TARDBP: variants seen among roughly 807,000 people sequenced by gnomAD.
TARDBP encodes TAR DNA binding protein.
TARDBP carries 4 observed loss-of-function variants against 38.3 expected under a neutral mutation model. That is an observed-to-expected ratio of 0.10 (90% CI 0.05 to 0.24). TARDBP has a LOEUF of 0.24. TARDBP is among the 10% of genes least tolerant of loss of function. The pLI is 1.00. For missense variants in TARDBP, 202 were observed against 521.9 expected (o/e 0.39, Z 5.97); for synonymous variants, 184 against 183.8 (o/e 1.00, Z -0.01).
intron 2 of TARDBP, among the ~76,000 whole-genome samples, chr1:11,015,356 C>T (rs58635521): frequency 0.12 from 18,834 of 150,786 alleles, 3,905 homozygotes; most frequent in African/African-American, 0.43. Context: ...CGTGGTGGTT[C>T]GCGCCTGTAG....
chr1:11,013,000 G>A (rs1347112134), intron 1 of TARDBP, among the ~76,000 whole-genome samples: 1 of 152,236 alleles, frequency 6.6e-6, no homozygotes, highest in Admixed American at 6.5e-5. Flanking sequence ...CCCGGACAGT[G>A]CCGGAGCCTT....
rs3059695 is a variant in TARDBP at position 11,024,947 on chromosome 1, A to ATGTTT, written c.*2294_*2295insGTTTT. ...ATAGGTTTGTCATTTTGCAAGTTAC[A>ATGTTT]TAAACATTTATCAATGAAGTCATCC... On this transcript the variant is annotated 3_prime_UTR_variant, in exon 6 of 6. Transcript: ENST00000240185. 0.88 allele frequency: 134,031 copies of ATGTTT among 152,280 alleles called. 59,288 individuals carry two copies. Among genetic ancestry groups the ATGTTT allele is most frequent in the African/African-American group, 0.97 (40,240 of 41,492 alleles). 9.4% of individuals were successfully genotyped at this position (152,280 alleles called of 1,614,324 possible). A position where few individuals can be genotyped will look rare whatever the true frequency, so the allele number is the denominator to read the frequency against.
chr1:11,015,357 G>A (rs1484101350), intron 2 of TARDBP, among the ~76,000 whole-genome samples: 4 of 151,962 alleles, frequency 2.6e-5, no homozygotes, highest in East Asian at 3.9e-4. Context: ...GTGGTGGTTC[G>A]CGCCTGTAGT....
In TARDBP at chr1:11,016,831, T is replaced by C. The variant is rs1238443537; in HGVS notation, c.239-13T>C. 3 of 1,613,576 alleles carry C rather than the reference T, an allele frequency of 1.9e-6. No homozygotes were observed. Among genetic ancestry groups the C allele is most frequent in the East Asian group, 2.2e-5 (1 of 44,870 alleles). ...GTGAAGATTTCTAAAAGGTTTCTGC[T>C]CGTTTTATTTAGATAACAAAAGAAA... On this transcript the variant is annotated splice_polypyrimidine_tract_variant and intron_variant, in intron 2 of 5. Coordinates refer to ENST00000240185, the MANE Select transcript of TARDBP (RefSeq NM_007375.4).
downstream of TARDBP, chr1:11,027,321 A>G (rs772456268): frequency 5.0e-6 from 8 of 1,614,014 alleles, no homozygotes; most frequent in Non-Finnish European, 6.8e-6. Context: ...ATTGATTACA[A>G]CTTTGTTATT....
chr1:11,021,462 A>G (rs1643636883), intron 5 of TARDBP, among the ~76,000 whole-genome samples: 1 of 151,254 alleles, frequency 6.6e-6, no homozygotes, highest in African/African-American at 2.4e-5. Flanking sequence ...TCTTTAGTAG[A>G]TAACGGGGTT....
Position 11,022,367 on chromosome 1 carries a change from C to T in TARDBP, c.958C>T (p.Pro320Ser), listed in dbSNP as rs377713993. 2 of 1,613,944 alleles carry T rather than the reference C, an allele frequency of 1.2e-6. No homozygotes were observed. Among genetic ancestry groups the T allele is most frequent in the Non-Finnish European group, 1.7e-6 (2 of 1,179,854 alleles). The change falls in exon 6 of 6, where the codon CCA becomes TCA. Residue 320 changes from proline (P) to serine (S), a missense_variant. Physicochemically the swap from Pro to Ser is moderately conservative, Grantham distance 74. Coordinates refer to ENST00000240185, the MANE Select transcript of TARDBP (RefSeq NM_007375.4). The surrounding 1 kb of genome is among the most constrained non-coding windows in gnomAD (Gnocchi z 4.5). Reference sequence around the variant, plus strand: ...GAACTTTGGTGCGTTCAGCATTAATCCAGCCATGATGGCTGCCGCCCAGGC... The same window carrying T: ...GAACTTTGGTGCGTTCAGCATTAATTCAGCCATGATGGCTGCCGCCCAGGC... The part of the protein sequence containing the change: ...GMNFGAFSIN[P>S]AMMAAAQAAL...
chr1:11,018,684 G>C, intron 3 of TARDBP, 49 bp from the exon 4 acceptor site: 1 of 1,613,448 alleles, frequency 6.2e-7, no homozygotes. Flanking sequence ...TGGGAATGGA[G>C]TGTGTGAGTA....
At chr1:11,027,040 C>T (rs1382117312), downstream of TARDBP, 10 of 1,595,232 alleles carry the variant, frequency 6.3e-6, no homozygotes, top group African/African-American at 1.1e-4. Flanking sequence ...AACACCAGTG[C>T]CCCTCCGCTG....
rs1353448337 is a variant in TARDBP, at chr1:11,023,955, T to A, written c.*1301T>A. 1 of 152,666 alleles carries A rather than the reference T, an allele frequency of 6.6e-6. No homozygotes were observed. Among genetic ancestry groups the A allele is most frequent in the Non-Finnish European group, 1.5e-5 (1 of 68,050 alleles). 9.5% of individuals were successfully genotyped at this position (152,666 alleles called of 1,614,324 possible). On this transcript the variant is annotated 3_prime_UTR_variant, in exon 6 of 6. Coordinates refer to ENST00000240185, the MANE Select transcript of TARDBP (RefSeq NM_007375.4). ...GTCTGTTAGCTACCCATAAGAATGC[T>A]GTTTGCTGCAGTTCTGTGTCCTGTG...
In TARDBP at chr1:11,022,065, C is replaced by T; in HGVS notation, c.715-59C>T. ...GCTTGTAATCTAAGTTTTGTTGCTACTTTAAATATATGAATCAGTGGTTTA... is the reference window on the plus strand; with the variant it reads ...GCTTGTAATCTAAGTTTTGTTGCTATTTTAAATATATGAATCAGTGGTTTA... On this transcript the variant is annotated intron_variant, in intron 5 of 5. Coordinates refer to ENST00000240185, the MANE Select transcript of TARDBP (RefSeq NM_007375.4). The surrounding 1 kb of genome is among the most constrained non-coding windows in gnomAD (Gnocchi z 4.5). 6.3e-7 allele frequency: 1 copy of T among 1,598,946 alleles called. No homozygotes were observed. The highest frequency in any genetic ancestry group is 2.2e-5 in the East Asian group (1 of 44,802).
At chr1:11,018,701 CT>C (rs1288862776) in intron 3 of TARDBP, 31 bp from the exon 4 acceptor site, 1 of 1,613,902 alleles carries the variant, frequency 6.2e-7, no homozygotes, top group African/African-American at 1.3e-5. Flanking sequence ...AGTATGTGCA[CT>C]TTTAGAGTAA....
rs1474891 is a variant in TARDBP at position 11,021,823 on chromosome 1, G to T, written c.715-301G>T. On this transcript the variant is annotated intron_variant, in intron 5 of 5. Transcript: ENST00000240185. ...GGGGTCTCCCTGTGTTGTCTAGGCT[G>T]CCAGGCTAGTCTTGAACTATTGGCC... Among the ~76,000 whole-genome samples the T allele has an allele frequency of 0.64, 97,105 of 151,944 alleles. 35,417 individuals are homozygous for T. The highest frequency in any genetic ancestry group is 0.81 in the Non-Finnish European group (55,191 of 67,988).
chr1:11,014,574 T>C (rs1343785249), intron 2 of TARDBP, among the ~76,000 whole-genome samples: 2 of 152,228 alleles, frequency 1.3e-5, no homozygotes, highest in Non-Finnish European at 2.9e-5. Flanking sequence ...GTGTTCCTTT[T>C]ATTATAACTT....
At chr1:11,030,449 G>A, downstream of TARDBP, 1 of 584,870 alleles carries the variant, frequency 1.7e-6, no homozygotes, top group Non-Finnish European at 3.0e-6. Context: ...CCTTTTAGAT[G>A]TGTAACTTGA....
downstream of TARDBP, chr1:11,027,404 A>G: frequency 6.2e-7 from 1 of 1,614,256 alleles, no homozygotes; most frequent in Non-Finnish European, 8.5e-7. Context: ...AAACAGCTTC[A>G]GACCAGGCTT....
At position 11,025,255 on chromosome 1, in the gene TARDBP, G is replaced by T. The variant is rs1296921822; in HGVS notation, c.*2601G>T. On this transcript the variant is annotated 3_prime_UTR_variant, in exon 6 of 6. Transcript: ENST00000240185. ...ATGGTTTAATCCCTTCTTTACACTT[G>T]TGTAAATTTCAGTTACTGGTCATAG... 9 of 152,538 alleles carry T rather than the reference G, an allele frequency of 5.9e-5. No homozygotes were observed. The highest frequency in any genetic ancestry group is 1.3e-4 in the Non-Finnish European group (9 of 68,020). 9.4% of individuals were successfully genotyped at this position (152,538 alleles called of 1,614,324 possible). A position where few individuals can be genotyped will look rare whatever the true frequency, so the allele number is the denominator to read the frequency against.
At chr1:11,014,300 A>T (rs747884819) in intron 2 of TARDBP, among the ~76,000 whole-genome samples, 1 of 152,228 alleles carries the variant, frequency 6.6e-6, no homozygotes, top group East Asian at 1.9e-4. Flanking sequence ...GGATTTGATC[A>T]TTGTCCTTTT....
Position 11,022,072 on chromosome 1 carries a change from TA to T in TARDBP, c.715-51del. ...ATCTAAGTTTTGTTGCTACTTTAAATATATGAATCAGTGGTTTAATCTTCTT... is the reference window on the plus strand; with the variant it reads ...ATCTAAGTTTTGTTGCTACTTTAAATTATGAATCAGTGGTTTAATCTTCTT... On this transcript the variant is annotated intron_variant, in intron 5 of 5. Coordinates refer to ENST00000240185, the MANE Select transcript of TARDBP (RefSeq NM_007375.4). The surrounding 1 kb of genome is among the most constrained non-coding windows in gnomAD (Gnocchi z 4.5). 6.2e-7 allele frequency: 1 copy of T among 1,603,980 alleles called. No homozygotes were observed. The highest frequency in any genetic ancestry group is 8.5e-7 in the Non-Finnish European group (1 of 1,171,390).
Sources: gnomAD v4.1 joint callset for allele counts (sites outside exome capture counted in the v4.1 genomes callset) on GRCh38, gnomAD v4.1.1 for gene constraint, Gnocchi (gnomAD v3.1) non-coding constraint, MANE v1.5 for transcripts, NCBI Gene and HGNC (gene_info 2026-07-23, HGNC 2026-07-21) for gene names.